The following RFX3 variants were observed in gnomAD, a reference collection of about 807,000 sequenced individuals.
The protein encoded by RFX3 is transcription factor RFX3.
A neutral mutation model predicts 98.6 loss-of-function variants in RFX3; 14 were observed. That is an observed-to-expected ratio of 0.14 (90% confidence interval 0.09 to 0.22). The LOEUF is 0.22. Ranked by LOEUF, RFX3 falls within the 10% of genes least tolerant of loss-of-function variation. The pLI, the probability that RFX3 is intolerant of heterozygous loss-of-function variation, is 1.00. For synonymous variants in RFX3, 383 were observed against 328.4 expected (o/e 1.17, Z -1.80); for missense variants, 639 against 926.9 (o/e 0.69, Z 4.03).
intron 2 of RFX3, among the ~76,000 whole-genome samples, chr9:3,378,374 T>C (rs1838781117): frequency 6.6e-6 from 1 of 152,140 alleles, no homozygotes; most frequent in African/African-American, 2.4e-5. Context: ...ACATAATCCA[T>C]TAATCCACCT....
At chr9:3,446,202 G>T (rs996843394) in intron 1 of RFX3, among the ~76,000 whole-genome samples, 2 of 152,012 alleles carry the variant, frequency 1.3e-5, no homozygotes, top group African/African-American at 4.8e-5. Flanking sequence ...GTTACTGGGG[G>T]AGTATATAAA....
At chr9:3,426,375 C>A (rs982091901) in intron 1 of RFX3, among the ~76,000 whole-genome samples, 1 of 149,642 alleles carries the variant, frequency 6.7e-6, no homozygotes, top group Non-Finnish European at 1.5e-5. Context: ...TTCTGGCTAT[C>A]TGAAACTATA....
chr9:3,255,796 T>C (rs1822058223), intron 14 of RFX3, among the ~76,000 whole-genome samples: 1 of 152,190 alleles, frequency 6.6e-6, no homozygotes, highest in Admixed American at 6.5e-5. Flanking sequence ...TTCTTCTGGG[T>C]GCTTCTATGT....
chr9:3,270,127 G>C (rs867164091), intron 11 of RFX3, among the ~76,000 whole-genome samples: 3 of 41,752 alleles, frequency 7.2e-5, no homozygotes, highest in Non-Finnish European at 1.4e-4. Context: ...AGAAAGAAAG[G>C]AAAGAAAGAA....
intron 2 of RFX3, among the ~76,000 whole-genome samples, chr9:3,352,045 T>C (rs950070887): frequency 6.6e-6 from 1 of 151,998 alleles, no homozygotes; most frequent in Non-Finnish European, 1.5e-5. Context: ...ATGAAGTGAA[T>C]CTTAGTTCAA....
intron 1 of RFX3, among the ~76,000 whole-genome samples, chr9:3,468,133 A>G (rs1358873704): frequency 2.0e-5 from 3 of 152,176 alleles, no homozygotes; most frequent in East Asian, 1.9e-4. Context: ...AGATAACTCA[A>G]TTTAGGGCCT....
chr9:3,290,498 C>T (rs919489382), intron 6 of RFX3, among the ~76,000 whole-genome samples: 2 of 152,012 alleles, frequency 1.3e-5, no homozygotes, highest in Non-Finnish European at 2.9e-5. Context: ...AAAATATTGG[C>T]ACGGTATGCA....
In RFX3 at chr9:3,401,177, A is replaced by G. The variant is rs371462579; in HGVS notation, c.-8-5581T>C. 8.1e-4 allele frequency among the ~76,000 whole-genome samples: 124 copies of G among 152,342 alleles called. 3 individuals are homozygous for G. The South Asian group carries it at 0.025, about 31-fold the overall frequency. ...AAACCCAACTAATACGTATTTTTCC[A>G]GAGGCATTTTTAGTGATTAATTCTG... is the stretch of plus-strand genomic sequence containing the variant. On this transcript the variant is annotated intron_variant, in intron 1 of 16. Transcript: ENST00000617270.
In RFX3 at chr9:3,474,684, G is replaced by C. The variant is rs532761095; in HGVS notation, c.-9+51063C>G. 7.9e-5 allele frequency among the ~76,000 whole-genome samples: 12 copies of C among 152,316 alleles called. No individual in the cohort carries two copies. In the East Asian group the frequency reaches 1.9e-3, roughly 24 times the overall value. ...GAATACAGATTTGTCTCCAGAAACA[G>C]TGCTTATTTGCCCAAACCACAAAAT... On this transcript the variant is annotated intron_variant, in intron 1 of 16. Transcript: ENST00000617270.
intron 1 of RFX3, among the ~76,000 whole-genome samples, chr9:3,525,265 C>G (rs1213372233): frequency 6.6e-6 from 1 of 152,098 alleles, no homozygotes; most frequent in East Asian, 1.9e-4. Flanking sequence ...CCTCTTGGGT[C>G]CCCCCCTTGC....
chr9:3,344,783 G>C lies in RFX3; in HGVS notation c.215+1884C>G. The C allele has an allele frequency of 4.3e-6, 3 of 698,534 alleles. No homozygotes were observed. In the South Asian group the frequency reaches 4.7e-5, roughly 11 times the overall value. The allele number at this position is 698,534 out of a possible 1,614,324, so 43.3% of individuals were successfully genotyped here. Reference sequence around the variant, plus strand: ...ATTTATTTTCCCTGAGAGCATAAAGGTCGAAGTGGCAGGCGTCTTTTTCAT... The same window carrying C: ...ATTTATTTTCCCTGAGAGCATAAAGCTCGAAGTGGCAGGCGTCTTTTTCAT... On this transcript the variant is annotated intron_variant, in intron 3 of 16. Transcript: ENST00000617270.
intron 9 of RFX3, among the ~76,000 whole-genome samples, chr9:3,275,126 G>A (rs781591418): frequency 8.6e-5 from 13 of 151,306 alleles, no homozygotes; most frequent in Non-Finnish European, 1.6e-4. Flanking sequence ...CTCCCTACTA[G>A]ATAAAGAAAT....
intron 7 of RFX3, among the ~76,000 whole-genome samples, chr9:3,280,306 A>G (rs1379408590): frequency 6.6e-6 from 1 of 151,846 alleles, no homozygotes. Flanking sequence ...CAAGAGGGCT[A>G]ATGTGGGCCT....
chr9:3,484,259 A>C (rs1027911719), intron 1 of RFX3, among the ~76,000 whole-genome samples: 2 of 152,250 alleles, frequency 1.3e-5, no homozygotes, highest in Non-Finnish European at 2.9e-5. Flanking sequence ...GAGACAGCAC[A>C]TAAAAATTAA....
At position 3,525,810 on chromosome 9, in the gene RFX3, A is replaced by G; in HGVS notation, c.-72T>C. On this transcript the variant is annotated 5_prime_UTR_variant, in exon 1 of 17. Coordinates refer to ENST00000617270, the MANE Select transcript of RFX3 (RefSeq NM_001282116.2). The stretch of plus-strand genomic sequence containing the variant: ...GGAGATGGTGGTGGTGGGGAGGAGG[A>G]GGAGGAAGAGGAGGAGGAGGAGGAG... The G allele has an allele frequency of 2.7e-6, 2 of 733,522 alleles. No individual in the cohort carries two copies. Among genetic ancestry groups the G allele is most frequent in the African/African-American group, 1.9e-5 (1 of 51,542 alleles). The allele number at this position is 733,522 out of a possible 1,614,324, so 45.4% of individuals were successfully genotyped here. A position where few individuals can be genotyped will look rare whatever the true frequency, so the allele number is the denominator to read the frequency against.
chr9:3,366,706 CTTTCT>C (rs749803613), intron 2 of RFX3, among the ~76,000 whole-genome samples: 1,629 of 88,786 alleles, frequency 0.018, 31 homozygotes, highest in African/African-American at 0.053. Flanking sequence ...TTCTTTCTTT[CTTTCT>C]TTCTTTCTTT....
chr9:3,337,907 G>A (rs1343749853), intron 3 of RFX3, among the ~76,000 whole-genome samples: 1 of 152,160 alleles, frequency 6.6e-6, no homozygotes, highest in Non-Finnish European at 1.5e-5. Flanking sequence ...CAAAGAAGTA[G>A]CTACATTATT....
chr9:3,253,485 C>G (rs1821703640), intron 14 of RFX3, among the ~76,000 whole-genome samples: 1 of 152,068 alleles, frequency 6.6e-6, no homozygotes, highest in Non-Finnish European at 1.5e-5. Flanking sequence ...CTTCTGTTAT[C>G]CAAAACACAC....
intron 1 of RFX3, among the ~76,000 whole-genome samples, chr9:3,475,604 T>C (rs1849173966): frequency 6.6e-6 from 1 of 152,252 alleles, no homozygotes; most frequent in East Asian, 1.9e-4. Context: ...CTATTATTTC[T>C]GCATAATATT....
Sources: allele counts gnomAD v4.1 joint callset (sites outside exome capture counted in the v4.1 genomes callset), GRCh38; gene constraint gnomAD v4.1.1; transcripts MANE v1.5; gene names NCBI Gene and HGNC (gene_info 2026-07-23, HGNC 2026-07-21).